PTPRD: variants seen among roughly 807,000 people sequenced by gnomAD.
PTPRD encodes protein tyrosine phosphatase receptor type D, also known as receptor-type tyrosine-protein phosphatase delta.
PTPRD carries 34 observed loss-of-function variants against 214.5 expected under a neutral mutation model. That is an observed-to-expected ratio of 0.16 (90% CI 0.12 to 0.21). PTPRD has a LOEUF of 0.21. Among genes scored for constraint, PTPRD ranks in the 10% least tolerant of loss-of-function variants. The probability of loss-of-function intolerance (pLI) is 1.00; values close to 1 mark genes in which losing one functional copy is unlikely to be tolerated. For synonymous variants in PTPRD, 1,128 were observed against 845.7 expected, an observed-to-expected ratio of 1.33 and a Z score of -5.79; for missense variants, 2,545 against 2,398.7, an observed-to-expected ratio of 1.06 and a Z score of -1.27.
intron 5 of PTPRD, among the ~76,000 whole-genome samples, chr9:9,886,112 C>T (rs1209019764): frequency 1.3e-5 from 2 of 152,056 alleles, no homozygotes; most frequent in South Asian, 2.1e-4. Context: ...TACACACCAG[C>T]CACTTCCGGA....
intron 9 of PTPRD, among the ~76,000 whole-genome samples, chr9:9,222,189 T>A (rs1249778288): frequency 6.6e-6 from 1 of 152,026 alleles, no homozygotes; most frequent in African/African-American, 2.4e-5. Flanking sequence ...ATTTAATAGC[T>A]TGACCTTTTG....
At chr9:9,219,631 C>T (rs1201147612) in intron 9 of PTPRD, among the ~76,000 whole-genome samples, 1 of 152,134 alleles carries the variant, frequency 6.6e-6, no homozygotes, top group African/African-American at 2.4e-5. Context: ...AAGGAAAACT[C>T]TTCGAATGTA....
intron 7 of PTPRD, among the ~76,000 whole-genome samples, chr9:9,619,837 T>C (rs903434981): frequency 1.2e-4 from 17 of 147,660 alleles, no homozygotes; most frequent in African/African-American, 4.2e-4. Flanking sequence ...TTTATATATG[T>C]TAGCTTTTTA....
chr9:10,497,455 C>G (rs1478908069), intron 2 of PTPRD, among the ~76,000 whole-genome samples: 6 of 152,004 alleles, frequency 3.9e-5, no homozygotes, highest in African/African-American at 1.4e-4. Flanking sequence ...ACAGTTCATG[C>G]TCAAGAAATC....
intron 7 of PTPRD, among the ~76,000 whole-genome samples, chr9:9,683,246 T>C (rs1240845147): frequency 2.0e-5 from 3 of 151,720 alleles, no homozygotes; most frequent in Non-Finnish European, 4.4e-5. Flanking sequence ...GAACATGAAG[T>C]ATTAGTGGTT....
chr9:9,055,322 C>T (rs554242381), intron 10 of PTPRD, among the ~76,000 whole-genome samples: 20 of 152,188 alleles, frequency 1.3e-4, no homozygotes, highest in African/African-American at 4.6e-4. Flanking sequence ...AAATGATAAC[C>T]ATGTGAGGTA....
At chr9:9,936,913 A>C (rs1033543311) in intron 5 of PTPRD, among the ~76,000 whole-genome samples, 1 of 147,712 alleles carries the variant, frequency 6.8e-6, no homozygotes, top group South Asian at 2.2e-4. Context: ...TGATGAGTTC[A>C]TGTCCTTTGT....
chr9:10,482,287 CA>C (rs1306239589), intron 2 of PTPRD, among the ~76,000 whole-genome samples: 2 of 151,962 alleles, frequency 1.3e-5, no homozygotes, highest in African/African-American at 2.4e-5. Context: ...AGGAGAATGG[CA>C]TGAACCCGGG....
chr9:9,032,913 C>A (rs907691799), intron 10 of PTPRD, among the ~76,000 whole-genome samples: 2 of 152,072 alleles, frequency 1.3e-5, no homozygotes, highest in African/African-American at 4.8e-5. Context: ...CTTGTCCCTT[C>A]CCCATGTGCA....
intron 5 of PTPRD, among the ~76,000 whole-genome samples, chr9:9,871,532 G>C (rs1362153687): frequency 6.6e-6 from 1 of 152,204 alleles, no homozygotes; most frequent in East Asian, 1.9e-4. Flanking sequence ...CTTCAAGGAA[G>C]CTCAGGGGCA....
chr9:10,335,834 T>C (rs575267864), intron 3 of PTPRD, among the ~76,000 whole-genome samples: 2 of 151,902 alleles, frequency 1.3e-5, no homozygotes, highest in East Asian at 1.9e-4. Flanking sequence ...CAAATAAGCA[T>C]GTGAAAAGAT....
At chr9:9,508,263 G>A (rs563441773) in intron 8 of PTPRD, among the ~76,000 whole-genome samples, 41 of 151,438 alleles carry the variant, frequency 2.7e-4, no homozygotes, top group South Asian at 2.3e-3. Flanking sequence ...TACAAGAAGC[G>A]CTCCAGTGGC....
intron 4 of PTPRD, among the ~76,000 whole-genome samples, chr9:9,990,995 C>A (rs558151681): frequency 1.4e-5 from 2 of 147,378 alleles, no homozygotes; most frequent in East Asian, 4.1e-4. Flanking sequence ...AGTGCAGTGG[C>A]GTGATCTCGG....
chr9:9,193,538 G>GC (rs748217610), intron 9 of PTPRD, among the ~76,000 whole-genome samples: 8 of 152,068 alleles, frequency 5.3e-5, no homozygotes, highest in Non-Finnish European at 1.0e-4. Context: ...ACAAACCTAG[G>GC]CTACATGGTA....
chr9:10,214,198 G>C (rs376696429), intron 3 of PTPRD, among the ~76,000 whole-genome samples: 41 of 152,144 alleles, frequency 2.7e-4, no homozygotes, highest in African/African-American at 9.6e-4. Flanking sequence ...TTAAAGGCTA[G>C]AAAAATATGG....
chr9:8,442,803 A>G (rs1008665181), intron 34 of PTPRD, among the ~76,000 whole-genome samples: 1 of 152,206 alleles, frequency 6.6e-6, no homozygotes, highest in Non-Finnish European at 1.5e-5. Flanking sequence ...GCTTCCTGAT[A>G]CAACCATAAT....
At chr9:8,851,463 G>C (rs2570967) in intron 11 of PTPRD, among the ~76,000 whole-genome samples, 3 of 152,024 alleles carry the variant, frequency 2.0e-5, no homozygotes, top group African/African-American at 4.8e-5. Context: ...CAGAAAAAGA[G>C]AGTTCTAGCA....
chr9:9,549,423 G>T (rs1379828367), intron 8 of PTPRD, among the ~76,000 whole-genome samples: 1 of 151,966 alleles, frequency 6.6e-6, no homozygotes, highest in Non-Finnish European at 1.5e-5. Context: ...TCATAGAAAA[G>T]TGTTCAACAG....
chr9:9,725,008 C>T (rs1352100585), intron 7 of PTPRD, among the ~76,000 whole-genome samples: 2 of 152,104 alleles, frequency 1.3e-5, no homozygotes, highest in African/African-American at 4.8e-5. Flanking sequence ...CTTTGTCACC[C>T]ACATTATCAA....
Sources: gnomAD v4.1 joint callset for allele counts (sites outside exome capture counted in the v4.1 genomes callset) on GRCh38, gnomAD v4.1.1 for gene constraint, MANE v1.5 for transcripts, NCBI Gene and HGNC (gene_info 2026-07-23, HGNC 2026-07-21) for gene names.